The following STK4 variants were observed in gnomAD, a reference collection of about 807,000 sequenced individuals.
The protein encoded by STK4 is serine/threonine-protein kinase 4.
A neutral mutation model predicts 64.9 loss-of-function variants in STK4; 30 were observed. That is an observed-to-expected ratio of 0.46 (90% confidence interval 0.35 to 0.63). STK4 has a LOEUF of 0.63. STK4 is among the 20% of genes least tolerant of loss of function. The pLI is 0.01. For synonymous variants in STK4, 177 were observed against 199.0 expected (o/e 0.89, Z 0.93); for missense variants, 466 against 598.5 (o/e 0.78, Z 2.31).
rs137923537 is a variant in STK4 at position 45,000,343 on chromosome 20, A to C, written c.832-49A>C. The C allele has an allele frequency of 8.0e-3, 12,647 of 1,583,248 alleles. 90 individuals are homozygous for C. Among genetic ancestry groups the C allele is most frequent in the Middle Eastern group, 0.027 (154 of 5,756 alleles). ...ACTGTGTTCCAGGTACTGTTTTGGC[A>C]CTGTCACCATATAAACTGTCTCCAG... On this transcript the variant is annotated intron_variant, in intron 7 of 10. Transcript: ENST00000372806.
intron 10 of STK4, among the ~76,000 whole-genome samples, chr20:45,039,510 A>G (rs2068579514): frequency 2.6e-5 from 4 of 151,944 alleles, no homozygotes; most frequent in Admixed American, 6.6e-5. Flanking sequence ...CACTTTTTTC[A>G]TTTCTGAGAA....
chr20:45,051,386 G>A (rs1209096515), intron 10 of STK4, among the ~76,000 whole-genome samples: 2 of 152,024 alleles, frequency 1.3e-5, no homozygotes, highest in Non-Finnish European at 2.9e-5. Flanking sequence ...GCCTTTGATG[G>A]TCCAGGCCTC....
rs2067449384 is a variant in STK4, at chr20:44,981,992, C to A, written c.360+49C>A. 3.2e-6 allele frequency: 4 copies of A among 1,258,132 alleles called. No individual in the cohort carries two copies. The East Asian group carries it at 9.3e-5, about 29-fold the overall frequency. The allele number at this position is 1,258,132 out of a possible 1,614,324, so 77.9% of individuals were successfully genotyped here. On this transcript the variant is annotated intron_variant, in intron 4 of 10. Coordinates refer to ENST00000372806, the MANE Select transcript of STK4 (RefSeq NM_006282.5). The stretch of plus-strand genomic sequence containing the variant: ...CAACTGAGCTAGTTTCTTATGCCAT[C>A]TTCTTTTCTCTGCCTCTTTTTCAGG...
chr20:45,008,270 G>A (rs1191594104), intron 9 of STK4, among the ~76,000 whole-genome samples: 1 of 152,138 alleles, frequency 6.6e-6, no homozygotes, highest in African/African-American at 2.4e-5. Context: ...GTCCAGGCTG[G>A]TCTCGAACTC....
At chr20:45,031,188 T>A (rs2068436182) in intron 10 of STK4, among the ~76,000 whole-genome samples, 1 of 142,158 alleles carries the variant, frequency 7.0e-6, no homozygotes, top group African/African-American at 2.6e-5. Context: ...TTTTTTTTTT[T>A]AAAGCACAGT....
At chr20:44,997,444 C>T in intron 7 of STK4, 138 bp downstream of exon 7, 1 of 1,106,270 alleles carries the variant, frequency 9.0e-7, no homozygotes, top group South Asian at 1.9e-5. Flanking sequence ...GTAATCGTAG[C>T]ACTTTGGGAG....
intron 10 of STK4, among the ~76,000 whole-genome samples, chr20:45,073,688 C>T (rs1411459737): frequency 6.6e-6 from 1 of 152,186 alleles, no homozygotes. Flanking sequence ...CATTCATTCC[C>T]ACCCCTGACA....
chr20:44,980,189 C>T (rs1219096465), intron 3 of STK4, among the ~76,000 whole-genome samples: 1 of 152,176 alleles, frequency 6.6e-6, no homozygotes, highest in Non-Finnish European at 1.5e-5. Context: ...TAATGGCCTA[C>T]AGTATTTAAC....
At chr20:45,025,199 C>T (rs2068323948) in intron 10 of STK4, 69 bp downstream of exon 10, 20 of 1,515,332 alleles carry the variant, frequency 1.3e-5, no homozygotes, top group Non-Finnish European at 1.5e-5. Context: ...ACATTAGTGC[C>T]CAAGCATTTT....
chr20:45,020,367 G>A (rs2068221042), intron 9 of STK4, among the ~76,000 whole-genome samples: 1 of 152,012 alleles, frequency 6.6e-6, no homozygotes, highest in East Asian at 1.9e-4. Context: ...TTTAGTGAAT[G>A]TTAGTTAAAT....
At chr20:45,046,295 T>C (rs773809825) in intron 10 of STK4, among the ~76,000 whole-genome samples, 85 of 147,400 alleles carry the variant, frequency 5.8e-4, no homozygotes, top group Non-Finnish European at 1.0e-4. Context: ...ATTGGCTAAG[T>C]GTGGTGGTGC....
rs150389694 is a variant in STK4 at position 44,987,804 on chromosome 20, T to C, written c.525+508T>C. Reference sequence around the variant, plus strand: ...TGTTTTCAAAATAGGAAGTCTAGAATTATTTGATTCTACATAAGTATATAT... The same window carrying C: ...TGTTTTCAAAATAGGAAGTCTAGAACTATTTGATTCTACATAAGTATATAT... On this transcript the variant is annotated intron_variant, in intron 5 of 10. Coordinates refer to ENST00000372806, the MANE Select transcript of STK4 (RefSeq NM_006282.5). Among the ~76,000 whole-genome samples, 209 of 152,148 alleles carry C rather than the reference T, an allele frequency of 1.4e-3. 1 individual carries two copies. Among genetic ancestry groups the C allele is most frequent in the African/African-American group, 4.9e-3 (204 of 41,520 alleles).
chr20:44,997,945 A>G (rs1000964013), intron 7 of STK4, among the ~76,000 whole-genome samples: 16 of 152,328 alleles, frequency 1.1e-4, no homozygotes, highest in African/African-American at 3.4e-4. Flanking sequence ...TTATAGATAA[A>G]AAATGGAAAC....
chr20:45,037,791 TAGTC>T (rs1405677585), intron 10 of STK4, among the ~76,000 whole-genome samples: 2 of 152,158 alleles, frequency 1.3e-5, no homozygotes, highest in Non-Finnish European at 1.5e-5. Flanking sequence ...TGTCAGAACA[TAGTC>T]AGTTACTCAT....
At chr20:45,056,022 C>T (rs147969251) in intron 10 of STK4, among the ~76,000 whole-genome samples, 3,845 of 152,214 alleles carry the variant, frequency 0.025, 135 homozygotes, top group African/African-American at 0.082. Context: ...TGAGCCCCCG[C>T]GCCGGGCCCA....
intron 6 of STK4, 71 bp downstream of exon 6, chr20:44,995,328 A>G (rs893165832): frequency 3.9e-6 from 6 of 1,523,158 alleles, no homozygotes; most frequent in Admixed American, 1.9e-5. Context: ...AGTTCAAGCC[A>G]GGTGTTGTGG....
At chr20:45,041,239 G>T (rs564612483) in intron 10 of STK4, among the ~76,000 whole-genome samples, 1 of 151,984 alleles carries the variant, frequency 6.6e-6, no homozygotes, top group East Asian at 1.9e-4. Flanking sequence ...TTCAGATTTA[G>T]TTTCTATTCC....
At chr20:44,967,866 C>T (rs1017437524) in intron 1 of STK4, among the ~76,000 whole-genome samples, 6 of 152,194 alleles carry the variant, frequency 3.9e-5, no homozygotes, top group Admixed American at 2.0e-4. Context: ...ACTCATATTG[C>T]ACTTACCGGG....
At chr20:45,060,109 T>C (rs1053896897) in intron 10 of STK4, among the ~76,000 whole-genome samples, 8 of 152,170 alleles carry the variant, frequency 5.3e-5, no homozygotes, top group African/African-American at 1.7e-4. Flanking sequence ...GGTCCTACTT[T>C]AGTAAAAGAA....
Sources: allele counts gnomAD v4.1 joint callset (sites outside exome capture counted in the v4.1 genomes callset), GRCh38; gene constraint gnomAD v4.1.1; transcripts MANE v1.5; gene names NCBI Gene and HGNC (gene_info 2026-07-23, HGNC 2026-07-21).